MYOM1: variants seen among roughly 807,000 people sequenced by gnomAD.
MYOM1 encodes myomesin-1.
Under a neutral mutation model 205.3 loss-of-function variants are expected in MYOM1, and 164 were observed. The ratio of observed to expected loss-of-function variants is 0.80; its 90% CI spans 0.70 to 0.91. The LOEUF (loss-of-function observed/expected upper bound fraction) is 0.91, where lower values mean the gene tolerates loss of function less well. Among genes scored for constraint, MYOM1 ranks in the 40% least tolerant of loss-of-function variants. The pLI, the probability that MYOM1 is intolerant of heterozygous loss-of-function variation, is 0.00. For synonymous variants in MYOM1, 772 were observed against 789.4 expected (o/e 0.98, Z 0.37); for missense variants, 2,011 against 2,127.3 (o/e 0.95, Z 1.08).
intron 22 of MYOM1, among the ~76,000 whole-genome samples, chr18:3,104,346 T>C (rs937539173): frequency 1.3e-5 from 2 of 152,244 alleles, no homozygotes; most frequent in Non-Finnish European, 2.9e-5. Flanking sequence ...GCTTTTTGCA[T>C]AATCTCTATT....
chr18:3,092,764 T>C (rs1370750254), intron 26 of MYOM1, among the ~76,000 whole-genome samples: 1 of 152,180 alleles, frequency 6.6e-6, no homozygotes, highest in Non-Finnish European at 1.5e-5. Context: ...GACCACATTT[T>C]TGCTTAGCAT....
chr18:3,124,146 A>G (rs184787610), intron 19 of MYOM1, among the ~76,000 whole-genome samples: 29 of 150,106 alleles, frequency 1.9e-4, no homozygotes, highest in Non-Finnish European at 7.4e-5. Flanking sequence ...CTATAAAGCT[A>G]TAATATTTAA....
rs774857070 is a variant in MYOM1 at position 3,154,954 on chromosome 18, T to C, written c.1636A>G (p.Ile546Val). 2 of 1,610,894 alleles carry C rather than the reference T, an allele frequency of 1.2e-6. No individual in the cohort carries two copies. The highest frequency in any genetic ancestry group is 1.7e-6 in the Non-Finnish European group (2 of 1,178,458). ...GTTAGCCTAAGCACTAACTTATCAA[T>C]AAAATATCCGAGAATAGGACTCCCT... ...DGGSPILGYF[I>V]DKCEVGTDSW... Residue 546 changes from isoleucine to valine, a missense_variant, in exon 11 of 38, where the codon ATT (isoleucine) becomes GTT (valine). Transcript: ENST00000356443.
At chr18:3,144,245 A>G (rs72860243) in intron 13 of MYOM1, among the ~76,000 whole-genome samples, 2 of 152,272 alleles carry the variant, frequency 1.3e-5, no homozygotes, top group Non-Finnish European at 2.9e-5. Flanking sequence ...AAATTCTTAC[A>G]CTACATGTGA....
chr18:3,120,410 A>T (rs1045053410), intron 19 of MYOM1, among the ~76,000 whole-genome samples: 4 of 152,212 alleles, frequency 2.6e-5, no homozygotes, highest in African/African-American at 9.7e-5. Flanking sequence ...TAAATGTCAC[A>T]CTGAGAGCTG....
At chr18:3,213,631 C>A (rs2081218226) in intron 2 of MYOM1, among the ~76,000 whole-genome samples, 1 of 152,202 alleles carries the variant, frequency 6.6e-6, no homozygotes, top group Non-Finnish European at 1.5e-5. Flanking sequence ...CTCCCAGGGA[C>A]GTTGCTGTTG....
At chr18:3,107,985 G>C (rs1339412080) in intron 22 of MYOM1, among the ~76,000 whole-genome samples, 2 of 152,174 alleles carry the variant, frequency 1.3e-5, no homozygotes, top group African/African-American at 4.8e-5. Flanking sequence ...TGCTCCTATA[G>C]ATAACATCAG....
At chr18:3,122,311 A>G (rs149431630) in intron 19 of MYOM1, among the ~76,000 whole-genome samples, 266 of 152,314 alleles carry the variant, frequency 1.7e-3, no homozygotes, top group African/African-American at 6.1e-3. Flanking sequence ...AGAAAGATAG[A>G]AAGTTAAAGG....
intron 34 of MYOM1, among the ~76,000 whole-genome samples, chr18:3,076,842 T>C (rs2079025626): frequency 6.6e-6 from 1 of 151,442 alleles, no homozygotes; most frequent in Non-Finnish European, 1.5e-5. Flanking sequence ...GCCTCCTGAG[T>C]AGCTGGGACT....
At chr18:3,213,426 G>T (rs998585577) in intron 2 of MYOM1, among the ~76,000 whole-genome samples, 7 of 152,292 alleles carry the variant, frequency 4.6e-5, no homozygotes, top group Non-Finnish European at 8.8e-5. Context: ...TTTTTCTGTG[G>T]ACTCTAGATA....
the MYOM1 span, among the ~76,000 whole-genome samples, chr18:3,244,107 G>C: frequency 3.3e-5 from 5 of 152,158 alleles, no homozygotes; most frequent in Non-Finnish European, 7.3e-5. Context: ...GGGCCGTCCT[G>C]TGCATAGTAG....
At position 3,187,595 on chromosome 18, in the gene MYOM1, G is replaced by A. The variant is rs1555628272; in HGVS notation, c.814C>T (p.His272Tyr). The change falls in exon 5 of 38, where the codon CAT becomes TAT. Residue 272 changes from histidine to tyrosine, a missense_variant. Physicochemically the swap from His to Tyr is moderately conservative, Grantham distance 83. Coordinates refer to ENST00000356443, the MANE Select transcript of MYOM1 (RefSeq NM_003803.4). ...ETYHAKLNED[H>Y]LLHAPEFIIK... Reference sequence around the variant, plus strand: ...ATAAACTCAGGAGCATGGAGAAGATGGTCTTCATTCAGCTTGGCATGATAT... The same window carrying A: ...ATAAACTCAGGAGCATGGAGAAGATAGTCTTCATTCAGCTTGGCATGATAT... 6.2e-7 allele frequency: 1 copy of A among 1,612,808 alleles called. No individual in the cohort carries two copies. The highest frequency in any genetic ancestry group is 8.5e-7 in the Non-Finnish European group (1 of 1,179,150).
intron 33 of MYOM1, among the ~76,000 whole-genome samples, chr18:3,082,201 C>A (rs2143673497): frequency 6.6e-6 from 1 of 152,288 alleles, no homozygotes; most frequent in East Asian, 1.9e-4. Context: ...GTTACACGGC[C>A]CAGCTCCTAG....
intron 25 of MYOM1, among the ~76,000 whole-genome samples, chr18:3,097,179 T>C (rs2079316449): frequency 6.6e-6 from 1 of 152,170 alleles, no homozygotes; most frequent in African/African-American, 2.4e-5. Context: ...AGAAAACGAC[T>C]TCATCAACAT....
intron 25 of MYOM1, among the ~76,000 whole-genome samples, chr18:3,098,269 TTTTATTTTTA>T (rs1226648536): frequency 1.3e-5 from 2 of 152,084 alleles, no homozygotes; most frequent in East Asian, 3.8e-4. Context: ...ATTTATTTTA[TTTTATTTTTA>T]TTTATTTTTA....
rs759813664 is a variant in MYOM1 at position 3,089,196 on chromosome 18, C to T, written c.4115G>A (p.Cys1372Tyr). Residue 1372 changes from cysteine to tyrosine, a missense_variant, in exon 29 of 38, where the codon TGT becomes TAT. Coordinates refer to ENST00000356443, the MANE Select transcript of MYOM1 (RefSeq NM_003803.4). ...TACCTTGCATTTCAATAGTACATTA[C>T]ATTCACCAGTCACTTCCCAGCTCAA... The part of the protein sequence containing the change: ...EYLSWEVTGE[C>Y]NVLLKCKVAN... 6.2e-7 allele frequency: 1 copy of T among 1,611,746 alleles called. No homozygotes were observed. Among genetic ancestry groups the T allele is most frequent in the East Asian group, 2.2e-5 (1 of 44,728 alleles).
chr18:3,155,081 A>T lies in MYOM1; in HGVS notation c.1509T>A (p.Asp503Glu), dbSNP rs747963242. The change falls in exon 11 of 38, where the codon GAT becomes GAA. Residue 503 changes from aspartate (D) to glutamate (E), a missense_variant. Coordinates refer to ENST00000356443, the MANE Select transcript of MYOM1 (RefSeq NM_003803.4). Reference protein sequence around the residue: ...YSAYVFVRDADAEIEGAPAAP... With the variant: ...YSAYVFVRDAEAEIEGAPAAP... ...CAGCTGGGGCTCCTTCAATCTCTGC[A>T]TCAGCATCTGTGGAGACAGAGAAGG... 1.2e-6 allele frequency: 2 copies of T among 1,611,854 alleles called. No individual in the cohort carries two copies. The highest frequency in any genetic ancestry group is 1.3e-5 in the African/African-American group (1 of 75,044).
chr18:3,090,948 G>A lies in MYOM1; in HGVS notation c.3865-146C>T, dbSNP rs990068363. On this transcript the variant is annotated intron_variant, in intron 26 of 37. Coordinates refer to ENST00000356443, the MANE Select transcript of MYOM1 (RefSeq NM_003803.4). ...TGTAATCCCAGTACTTTGGGAGGTC[G>A]AGGTGGGAGGATTACTTGAGGCCAG... The A allele has an allele frequency of 3.0e-5, 29 of 963,142 alleles. No homozygotes were observed. In the African/African-American group the frequency reaches 3.6e-4, roughly 12 times the overall value. 59.7% of individuals were successfully genotyped at this position (963,142 alleles called of 1,614,324 possible).
chr18:3,200,370 T>C (rs929121895), intron 2 of MYOM1, among the ~76,000 whole-genome samples: 1 of 152,148 alleles, frequency 6.6e-6, no homozygotes. Flanking sequence ...GGGAAAATAG[T>C]AGTAAGCAAA....
Sources: gnomAD v4.1 joint callset for allele counts (sites outside exome capture counted in the v4.1 genomes callset) on GRCh38, gnomAD v4.1.1 for gene constraint, MANE v1.5 for transcripts, NCBI Gene and HGNC (gene_info 2026-07-23, HGNC 2026-07-21) for gene names.